AOPEP: variants seen among roughly 807,000 people sequenced by gnomAD.
The protein encoded by AOPEP is aminopeptidase O (putative).
AOPEP carries 77 observed loss-of-function variants against 98.1 expected under a neutral mutation model. The ratio of observed to expected loss-of-function variants is 0.78; its 90% CI spans 0.65 to 0.95. The LOEUF (loss-of-function observed/expected upper bound fraction) is 0.95, where lower values mean the gene tolerates loss of function less well. AOPEP is among the 40% of genes least tolerant of loss of function. The pLI is 0.00. For synonymous variants in AOPEP, 346 were observed against 365.3 expected (o/e 0.95, Z 0.60); for missense variants, 1,024 against 1,024.7 (o/e 1.00, Z 0.01).
At chr9:95,006,573 C>A (rs1254852393) in intron 13 of AOPEP, among the ~76,000 whole-genome samples, 1 of 152,162 alleles carries the variant, frequency 6.6e-6, no homozygotes, top group Non-Finnish European at 1.5e-5. Flanking sequence ...AGGGCAGCTT[C>A]TGAGAGAGCT....
intron 13 of AOPEP, among the ~76,000 whole-genome samples, chr9:95,027,788 C>T (rs1012755569): frequency 3.3e-5 from 5 of 152,154 alleles, no homozygotes; most frequent in African/African-American, 1.2e-4. Flanking sequence ...GGGGTTACTA[C>T]GTTTTCAAGT....
At chr9:94,926,614 C>T (rs531130710) in intron 6 of AOPEP, among the ~76,000 whole-genome samples, 9 of 152,320 alleles carry the variant, frequency 5.9e-5, no homozygotes, top group African/African-American at 1.7e-4. Context: ...TGCCTCAGAC[C>T]GTCCAGGGAG....
At chr9:95,134,425 G>A in the AOPEP span, among the ~76,000 whole-genome samples, 11 of 152,048 alleles carry the variant, frequency 7.2e-5, no homozygotes, top group Admixed American at 4.6e-4. Context: ...CCAGTGTCCC[G>A]GCCACTAACT....
intron 1 of AOPEP, among the ~76,000 whole-genome samples, chr9:94,743,858 G>C (rs1410726688): frequency 1.3e-5 from 2 of 152,226 alleles, no homozygotes; most frequent in Non-Finnish European, 2.9e-5. Flanking sequence ...ATGCAAGCTG[G>C]CATACCTGGG....
intron 13 of AOPEP, among the ~76,000 whole-genome samples, chr9:95,058,592 G>A (rs748981778): frequency 2.0e-5 from 3 of 152,194 alleles, no homozygotes; most frequent in Non-Finnish European, 4.4e-5. Flanking sequence ...TGTCTGTCTT[G>A]AGAAATGCTG....
At chr9:94,979,273 A>G (rs2060032853) in intron 10 of AOPEP, 94 bp from the exon 11 acceptor site, 2 of 783,434 alleles carry the variant, frequency 2.6e-6, no homozygotes, top group Admixed American at 2.1e-5. Flanking sequence ...TGGAAGATCG[A>G]TGCTGTGATG....
At position 94,943,644 on chromosome 9, in the gene AOPEP, C is replaced by T. The variant is rs538218566; in HGVS notation, c.1662-11533C>T. ...AAAAAAAAGGATCAATCTGGCTGGG[C>T]ACAGTGGCTCATGCCTGTAATCCCA... is the stretch of plus-strand genomic sequence containing the variant. On this transcript the variant is annotated intron_variant, in intron 7 of 16. Transcript: ENST00000375315. Among the ~76,000 whole-genome samples the T allele has an allele frequency of 1.5e-4, 22 of 149,326 alleles. 1 individual carries two copies. Among genetic ancestry groups the T allele is most frequent in the African/African-American group, 4.9e-4 (20 of 40,598 alleles).
rs751896372 is a variant in AOPEP, at chr9:95,060,679, T to G, written c.2116-15T>G. ...CTGAATGGCATTTTCATAGGCTGTT[T>G]GGTTTTGTCTTTAGCTTCTTCCAGA... On this transcript the variant is annotated splice_polypyrimidine_tract_variant and intron_variant, in intron 13 of 16. Coordinates refer to ENST00000375315, the MANE Select transcript of AOPEP (RefSeq NM_001193329.3). The G allele has an allele frequency of 1.3e-6, 2 of 1,551,458 alleles. No individual in the cohort carries two copies. Among genetic ancestry groups the G allele is most frequent in the Non-Finnish European group, 8.9e-7 (1 of 1,122,666 alleles).
chr9:95,083,675 GCA>G (rs994965401), intron 16 of AOPEP, among the ~76,000 whole-genome samples: 47 of 148,690 alleles, frequency 3.2e-4, no homozygotes, highest in Middle Eastern at 8.0e-3. Context: ...AGCACCTGCG[GCA>G]CACACAGCAC....
rs34645632 is a variant in AOPEP, at chr9:94,821,970, A to AACACACACACAC, written c.1364+20999_1364+21010dup. On this transcript the variant is annotated intron_variant, in intron 5 of 16. Transcript: ENST00000375315. Reference sequence around the variant, plus strand: ...TAGATCTGTGCACCCTGTGTGTGTAAACACACACACACACACACACACACA... The same window carrying AACACACACACAC: ...TAGATCTGTGCACCCTGTGTGTGTAAACACACACACACACACACACACACACACACACACACA... Among the ~76,000 whole-genome samples the AACACACACACAC allele has an allele frequency of 4.1e-3, 579 of 141,446 alleles. 5 individuals are homozygous for AACACACACACAC. Among genetic ancestry groups the AACACACACACAC allele is most frequent in the African/African-American group, 5.1e-3 (198 of 38,724 alleles). The allele number at this position is 141,446 out of a possible 152,430, so 92.8% of individuals were successfully genotyped here. A position where few individuals can be genotyped will look rare whatever the true frequency, so the allele number is the denominator to read the frequency against.
chr9:94,834,735 G>C (rs367715050), intron 5 of AOPEP, among the ~76,000 whole-genome samples: 14 of 152,194 alleles, frequency 9.2e-5, no homozygotes, highest in African/African-American at 2.9e-4. Flanking sequence ...AGAGGCTGCA[G>C]TGAACAGAGA....
intron 11 of AOPEP, among the ~76,000 whole-genome samples, chr9:94,990,060 C>A (rs1398450444): frequency 1.3e-5 from 2 of 152,206 alleles, no homozygotes; most frequent in African/African-American, 4.8e-5. Flanking sequence ...CCAACCTTTG[C>A]CCAACAGGTC....
intron 5 of AOPEP, among the ~76,000 whole-genome samples, chr9:94,911,250 A>ATGT (rs1286292910): frequency 6.6e-6 from 1 of 152,110 alleles, no homozygotes; most frequent in Admixed American, 6.5e-5. Context: ...GAGATAAGAG[A>ATGT]TGTTGGGTGA....
the AOPEP span, among the ~76,000 whole-genome samples, chr9:95,098,626 C>T: frequency 6.6e-6 from 1 of 152,190 alleles, no homozygotes; most frequent in African/African-American, 2.4e-5. Context: ...ATCACTCATG[C>T]CTCCCAGAGG....
chr9:95,080,909 G>A (rs1310854424), intron 15 of AOPEP, 129 bp downstream of exon 15: 1 of 722,426 alleles, frequency 1.4e-6, no homozygotes, highest in Non-Finnish European at 2.4e-6. Flanking sequence ...TTAAGGACTG[G>A]TGGGATCTTG....
chr9:95,092,195 AC>A, the AOPEP span, among the ~76,000 whole-genome samples: 1 of 152,102 alleles, frequency 6.6e-6, no homozygotes, highest in Non-Finnish European at 1.5e-5. Context: ...AAGGAACCAG[AC>A]CGGTCCCTGC....
At chr9:94,915,249 A>G (rs913397260) in intron 5 of AOPEP, among the ~76,000 whole-genome samples, 4 of 152,206 alleles carry the variant, frequency 2.6e-5, no homozygotes, top group African/African-American at 9.7e-5. Flanking sequence ...TGCCTGGGAG[A>G]AAATAAACAA....
chr9:94,819,324 T>C (rs1852443526), intron 5 of AOPEP, among the ~76,000 whole-genome samples: 2 of 152,152 alleles, frequency 1.3e-5, no homozygotes, highest in African/African-American at 2.4e-5. Context: ...CCCACCCGCA[T>C]CTTCCAAATA....
chr9:94,862,800 C>A (rs1261177529), intron 5 of AOPEP, among the ~76,000 whole-genome samples: 1 of 152,156 alleles, frequency 6.6e-6, no homozygotes, highest in South Asian at 2.1e-4. Context: ...CGTGTTTGTC[C>A]TTTCTCAGTG....
Sources: gnomAD v4.1 joint callset for allele counts (sites outside exome capture counted in the v4.1 genomes callset) on GRCh38, gnomAD v4.1.1 for gene constraint, MANE v1.5 for transcripts, NCBI Gene and HGNC (gene_info 2026-07-23, HGNC 2026-07-21) for gene names.